The following ANO5 variants were observed in gnomAD, a reference collection of about 807,000 sequenced individuals.
ANO5 encodes the protein anoctamin 5, also known as anoctamin-5.
ANO5 carries 109 observed loss-of-function variants against 121.0 expected under a neutral mutation model. That is an observed-to-expected ratio of 0.90 (90% confidence interval 0.77 to 1.06). The LOEUF (loss-of-function observed/expected upper bound fraction) is 1.06. Ranked by LOEUF, ANO5 falls within the 50% of genes least tolerant of loss-of-function variation. ANO5 has a pLI of 0.00. For missense variants in ANO5, 1,064 were observed against 1,078.5 expected, an observed-to-expected ratio of 0.99 and a Z score of 0.19; for synonymous variants, 406 against 359.9, an observed-to-expected ratio of 1.13 and a Z score of -1.45.
intron 21 of ANO5, among the ~76,000 whole-genome samples, chr11:22,279,002 G>A (rs1318132301): frequency 6.6e-6 from 1 of 151,604 alleles, no homozygotes; most frequent in African/African-American, 2.4e-5. Flanking sequence ...GGTATAGCAT[G>A]GAGTGAAAGA....
intron 6 of ANO5, 54 bp from the exon 7 acceptor site, chr11:22,227,248 C>T: frequency 6.3e-7 from 1 of 1,587,500 alleles, no homozygotes; most frequent in Admixed American, 1.7e-5. Flanking sequence ...TTAATCAGCT[C>T]AATAACAAAC....
At chr11:22,198,561 T>A (rs1178956070) in intron 1 of ANO5, among the ~76,000 whole-genome samples, 1 of 152,188 alleles carries the variant, frequency 6.6e-6, no homozygotes, top group Non-Finnish European at 1.5e-5. Flanking sequence ...CTACTTGTTT[T>A]ATGTTAAATG....
intron 7 of ANO5, among the ~76,000 whole-genome samples, chr11:22,234,029 T>A (rs1853134786): frequency 6.6e-6 from 1 of 152,146 alleles, no homozygotes; most frequent in African/African-American, 2.4e-5. Context: ...AAGAAATTCT[T>A]AAGGATCTTG....
rs61746201 is a variant in ANO5 at position 22,274,592 on chromosome 11, A to G, written c.2259A>G (p.Ser753=). ...AGGCCTTTATTGTTGCATTTACGTC[A>G]GACATCATTCCCCGTCTAGTTTACT... is the stretch of plus-strand genomic sequence containing the variant. The part of the protein sequence containing the change: ...ATNAFIVAFT[S]DIIPRLVYYY... The change falls in exon 20 of 22, where the codon TCA becomes TCG. Residue 753 remains serine (S), a synonymous_variant. Coordinates refer to ENST00000324559, the MANE Select transcript of ANO5 (RefSeq NM_213599.3). 5,038 of 1,604,686 alleles carry G rather than the reference A, an allele frequency of 3.1e-3. 160 individuals carry two copies. In the African/African-American group the frequency reaches 0.06, roughly 19 times the overall value.
chr11:22,212,365 A>T (rs189562713), intron 3 of ANO5, among the ~76,000 whole-genome samples: 37 of 151,968 alleles, frequency 2.4e-4, no homozygotes, highest in African/African-American at 8.9e-4. Context: ...AATAGTTAGC[A>T]TTTTTGTTTG....
chr11:22,201,089 A>G (rs964066448), intron 1 of ANO5, among the ~76,000 whole-genome samples: 1 of 152,234 alleles, frequency 6.6e-6, no homozygotes, highest in African/African-American at 2.4e-5. Flanking sequence ...AATATGTAAT[A>G]CAAAGGAAAT....
At chr11:22,196,255 C>A (rs1025016201) in intron 1 of ANO5, among the ~76,000 whole-genome samples, 2 of 152,162 alleles carry the variant, frequency 1.3e-5, no homozygotes, top group African/African-American at 2.4e-5. Context: ...CAAGGGAGCA[C>A]ATTAGACCAA....
chr11:22,221,288 T>C, intron 5 of ANO5, 78 bp downstream of exon 5: 1 of 1,266,060 alleles, frequency 7.9e-7, no homozygotes, highest in Non-Finnish European at 1.1e-6. Flanking sequence ...TGGATTGAAT[T>C]ATGTTGTAAA....
intron 8 of ANO5, among the ~76,000 whole-genome samples, chr11:22,236,938 G>T (rs141591658): frequency 5.5e-4 from 83 of 152,248 alleles, no homozygotes; most frequent in African/African-American, 2.0e-3. Flanking sequence ...CATTTTACGT[G>T]ATTCACCTGT....
At position 22,218,266 on chromosome 11, in the gene ANO5, G is replaced by T. The variant is rs754495816; in HGVS notation, c.159G>T (p.Leu53Phe). The change falls in exon 4 of 22, where the codon TTG (leucine) becomes TTT (phenylalanine). Residue 53 changes from leucine (L) to phenylalanine (F), a missense_variant. By Grantham distance (22) the Leu-to-Phe change is conservative (BLOSUM62 0). Transcript: ENST00000324559. ...EETMPAKRFN[L>F]FLRRRLMFQK... is the part of the protein sequence containing the mutation. The stretch of plus-strand genomic sequence containing the variant: ...CACAGCCTGCAAAGCGATTCAATTT[G>T]TTCCTGAGGCGGCGGCTTATGGTAA... 6.2e-7 allele frequency: 1 copy of T among 1,613,346 alleles called. No homozygotes were observed. Among genetic ancestry groups the T allele is most frequent in the Non-Finnish European group, 8.5e-7 (1 of 1,179,664 alleles).
rs150442899 is a variant in ANO5, at chr11:22,276,195, T to G, written c.2516T>G (p.Met839Arg). ...GCCAAGATGACCTTCATCATTGTTA[T>G]GGAAGTAAGCTGTTCTTAACTTTCA... ...LAAKMTFIIV[M>R]EHVVFLVKFL... Residue 839 changes from methionine to arginine, a missense_variant, in exon 21 of 22, where the codon ATG (methionine) becomes AGG (arginine). Transcript: ENST00000324559. The G allele has an allele frequency of 6.2e-7, 1 of 1,605,964 alleles. No individual in the cohort carries two copies. The highest frequency in any genetic ancestry group is 8.5e-7 in the Non-Finnish European group (1 of 1,173,066).
At chr11:22,258,447 C>T (rs1854074734) in intron 14 of ANO5, among the ~76,000 whole-genome samples, 1 of 151,978 alleles carries the variant, frequency 6.6e-6, no homozygotes, top group Non-Finnish European at 1.5e-5. Context: ...GAGTATATCC[C>T]CAGAAAATTA....
chr11:22,263,870 A>G (rs79001094), intron 17 of ANO5, among the ~76,000 whole-genome samples: 4,621 of 152,140 alleles, frequency 0.03, 228 homozygotes, highest in African/African-American at 0.1. Flanking sequence ...CCCACCTCCA[A>G]TATACACACA....
At chr11:22,204,913 A>G in intron 2 of ANO5, among the ~76,000 whole-genome samples, 1 of 152,158 alleles carries the variant, frequency 6.6e-6, no homozygotes. Flanking sequence ...TCATTGTAGC[A>G]CTATTCACAA....
intron 9 of ANO5, among the ~76,000 whole-genome samples, chr11:22,244,496 T>C (rs1329724716): frequency 6.6e-6 from 1 of 152,066 alleles, no homozygotes; most frequent in Admixed American, 6.6e-5. Context: ...TTCCAGGTTG[T>C]TTACTTTCCT....
chr11:22,233,081 TC>T (rs1853097275), intron 7 of ANO5, among the ~76,000 whole-genome samples: 1 of 152,044 alleles, frequency 6.6e-6, no homozygotes, highest in Non-Finnish European at 1.5e-5. Flanking sequence ...GAAGTGTTCA[TC>T]TGTGTTACTT....
rs1162533311 is a variant in ANO5 at position 22,226,049 on chromosome 11, A to G, written c.360A>G (p.Lys120=). 1 of 1,601,360 alleles carries G rather than the reference A, an allele frequency of 6.2e-7. No individual in the cohort carries two copies. Residue 120 remains lysine, a synonymous_variant, in exon 6 of 22, where the codon AAA becomes AAG. Coordinates refer to ENST00000324559, the MANE Select transcript of ANO5 (RefSeq NM_213599.3). ...KTGLELEIED[K]RDSEDGRTYF... ...GTCTTGAGTTGGAAATAGAAGACAAAAGGGTAAATGTAGTTGATAATTTAT... is the reference window on the plus strand; with the variant it reads ...GTCTTGAGTTGGAAATAGAAGACAAGAGGGTAAATGTAGTTGATAATTTAT...
At chr11:22,224,331 C>T (rs770049380) in intron 5 of ANO5, among the ~76,000 whole-genome samples, 5 of 152,030 alleles carry the variant, frequency 3.3e-5, no homozygotes, top group Non-Finnish European at 5.9e-5. Flanking sequence ...AACTAAATGA[C>T]TGTTCTGTAT....
intron 7 of ANO5, 75 bp downstream of exon 7, chr11:22,227,661 A>G: frequency 6.4e-7 from 1 of 1,555,258 alleles, no homozygotes; most frequent in Middle Eastern, 1.7e-4. Flanking sequence ...ATACATGTGC[A>G]GATGTCGTAC....
Sources: allele counts gnomAD v4.1 joint callset (sites outside exome capture counted in the v4.1 genomes callset), GRCh38; gene constraint gnomAD v4.1.1; transcripts MANE v1.5; gene names NCBI Gene and HGNC (gene_info 2026-07-23, HGNC 2026-07-21).